WWOX: variants seen among roughly 807,000 people sequenced by gnomAD.
WWOX encodes the protein WW domain-containing oxidoreductase.
Under a neutral mutation model 46.2 loss-of-function variants are expected in WWOX, and 69 were observed. The ratio of observed to expected loss-of-function variants is 1.49; its 90% CI spans 1.23 to 1.82. The LOEUF is 1.82. Among genes scored for constraint, WWOX ranks in the 40% most tolerant of loss-of-function variants. WWOX has a pLI of 0.00. For synonymous variants in WWOX, 359 were observed against 202.6 expected, an observed-to-expected ratio of 1.77 and a Z score of -6.56; for missense variants, 919 against 542.6, an observed-to-expected ratio of 1.69 and a Z score of -6.89.
At chr16:78,874,236 A>G (rs1185135078) in intron 8 of WWOX, among the ~76,000 whole-genome samples, 4 of 149,592 alleles carry the variant, frequency 2.7e-5, no homozygotes, top group Non-Finnish European at 5.9e-5. Flanking sequence ...AGCATGGGCG[A>G]CAGAGCGAGA....
At chr16:78,583,888 G>C (rs2045125802) in intron 8 of WWOX, among the ~76,000 whole-genome samples, 1 of 152,240 alleles carries the variant, frequency 6.6e-6, no homozygotes, top group South Asian at 2.1e-4. Flanking sequence ...TTGCATACCT[G>C]TTTGGGGGAA....
In WWOX at chr16:79,069,863, C is replaced by T. The variant is rs544523419; in HGVS notation, c.1057-141745C>T. 4.6e-5 allele frequency among the ~76,000 whole-genome samples: 7 copies of T among 152,242 alleles called. No individual in the cohort carries two copies. In the South Asian group the frequency reaches 1.5e-3, roughly 32 times the overall value. ...AGAGCTCTATGTAAACCAACTTTGG[C>T]CCAAATTGACTCATTGAAAAACACC... On this transcript the variant is annotated intron_variant, in intron 8 of 8. Transcript: ENST00000566780.
intron 8 of WWOX, among the ~76,000 whole-genome samples, chr16:78,805,114 C>A (rs1022849251): frequency 6.6e-6 from 1 of 151,558 alleles, no homozygotes; most frequent in Admixed American, 6.6e-5. Flanking sequence ...AATATCACTA[C>A]CAAAATATCA....
chr16:78,609,579 C>G (rs982727157), intron 8 of WWOX, among the ~76,000 whole-genome samples: 47 of 151,116 alleles, frequency 3.1e-4, no homozygotes, highest in African/African-American at 1.1e-3. Context: ...TCATACCCCT[C>G]CTAGGAGACA....
At chr16:78,311,922 G>C (rs2080252480) in intron 5 of WWOX, among the ~76,000 whole-genome samples, 1 of 152,090 alleles carries the variant, frequency 6.6e-6, no homozygotes, top group South Asian at 2.1e-4. Context: ...CTAAAATCCA[G>C]GTGTCTTCAG....
chr16:78,683,300 C>T (rs1284440035), intron 8 of WWOX, among the ~76,000 whole-genome samples: 18 of 119,908 alleles, frequency 1.5e-4, no homozygotes, highest in African/African-American at 5.2e-4. Flanking sequence ...TGCCTGAGCT[C>T]AGGAGGGCGG....
chr16:79,211,658 G>T lies in WWOX; in HGVS notation c.1107G>T (p.Glu369Asp). 1 of 1,614,200 alleles carries T rather than the reference G, an allele frequency of 6.2e-7. No individual in the cohort carries two copies. The highest frequency in any genetic ancestry group is 2.2e-5 in the East Asian group (1 of 44,868). The change falls in exon 9 of 9, where the codon GAG becomes GAT. Residue 369 changes from glutamate (E) to aspartate (D), a missense_variant. By Grantham distance (45) the Glu-to-Asp change is conservative. Coordinates refer to ENST00000566780, the MANE Select transcript of WWOX (RefSeq NM_016373.4). ...TVYCAAVPEL[E>D]GLGGMYFNNC... ...ACTGTGCTGCTGTCCCAGAACTGGA[G>T]GGTCTGGGAGGGATGTACTTCAACA...
intron 8 of WWOX, among the ~76,000 whole-genome samples, chr16:78,580,351 G>T (rs780254588): frequency 6.6e-6 from 1 of 152,084 alleles, no homozygotes; most frequent in Admixed American, 6.5e-5. Flanking sequence ...TGGAATATCC[G>T]GTGTGAGCCA....
intron 8 of WWOX, among the ~76,000 whole-genome samples, chr16:78,546,548 A>G (rs868031424): frequency 2.0e-5 from 3 of 152,202 alleles, no homozygotes; most frequent in African/African-American, 7.2e-5. Context: ...CATTGTTTAT[A>G]TTGTTTGTTG....
At chr16:79,045,541 C>G (rs1003538674) in intron 8 of WWOX, among the ~76,000 whole-genome samples, 1 of 152,148 alleles carries the variant, frequency 6.6e-6, no homozygotes, top group Non-Finnish European at 1.5e-5. Flanking sequence ...CATTCCTAGT[C>G]TCATTTTCCC....
intron 6 of WWOX, among the ~76,000 whole-genome samples, chr16:78,392,881 A>T (rs1450597395): frequency 4.0e-5 from 6 of 151,834 alleles, no homozygotes; most frequent in African/African-American, 1.5e-4. Flanking sequence ...TCATTCATTG[A>T]TTCTGTTATT....
rs116305532 is a variant in WWOX at position 78,573,573 on chromosome 16, G to C, written c.1056+140821G>C. Among the ~76,000 whole-genome samples the C allele has an allele frequency of 7.8e-3, 1,181 of 152,298 alleles. 21 individuals carry two copies. Among genetic ancestry groups the C allele is most frequent in the African/African-American group, 0.028 (1,149 of 41,546 alleles). On this transcript the variant is annotated intron_variant, in intron 8 of 8. Transcript: ENST00000566780. Reference sequence around the variant, plus strand: ...GGCTCCCTGGGCCCTCTGGGACTAAGTTTATAATGCTCAGCTTGTCATTCC... The same window carrying C: ...GGCTCCCTGGGCCCTCTGGGACTAACTTTATAATGCTCAGCTTGTCATTCC...
chr16:78,778,304 C>T (rs191490619), intron 8 of WWOX, among the ~76,000 whole-genome samples: 7 of 152,246 alleles, frequency 4.6e-5, no homozygotes, highest in Non-Finnish European at 5.9e-5. Context: ...ACTGATACGC[C>T]GCCAGCAGTC....
intron 8 of WWOX, among the ~76,000 whole-genome samples, chr16:78,482,824 T>C (rs557401365): frequency 6.6e-6 from 1 of 152,268 alleles, no homozygotes; most frequent in South Asian, 2.1e-4. Context: ...GGGAAGGATC[T>C]ATCTCACTCA....
intron 8 of WWOX, among the ~76,000 whole-genome samples, chr16:79,158,433 A>T (rs796407120): frequency 1.7e-4 from 26 of 152,286 alleles, no homozygotes; most frequent in African/African-American, 5.1e-4. Context: ...TTTAGATGGA[A>T]TCACCCAGCG....
At chr16:79,179,428 A>G (rs1362923793) in intron 8 of WWOX, among the ~76,000 whole-genome samples, 2 of 152,194 alleles carry the variant, frequency 1.3e-5, no homozygotes, top group Non-Finnish European at 2.9e-5. Context: ...AACTAATGGA[A>G]TCCTAACTAA....
chr16:79,142,313 G>C (rs2050105296), intron 8 of WWOX, among the ~76,000 whole-genome samples: 1 of 152,188 alleles, frequency 6.6e-6, no homozygotes, highest in South Asian at 2.1e-4. Context: ...TGGGAAGTTA[G>C]AGTAGAAATG....
At position 78,366,968 on chromosome 16, in the gene WWOX, CATTT is replaced by C. The variant is rs1175117479; in HGVS notation, c.517-19891_517-19888del. ...TTTTTTTTTTGTATCACAAAAGTTA[CATTT>C]TTTTTTTTTTTTTTTTTTTTTTTTT... On this transcript the variant is annotated intron_variant, in intron 5 of 8. Coordinates refer to ENST00000566780, the MANE Select transcript of WWOX (RefSeq NM_016373.4). Among the ~76,000 whole-genome samples the C allele has an allele frequency of 5.6e-3, 507 of 91,052 alleles. 4 individuals carry two copies. Among genetic ancestry groups the C allele is most frequent in the African/African-American group, 0.02 (471 of 23,534 alleles). 59.7% of individuals were successfully genotyped at this position (91,052 alleles called of 152,430 possible).
intron 8 of WWOX, among the ~76,000 whole-genome samples, chr16:78,727,032 C>T (rs978435831): frequency 2.6e-5 from 4 of 152,166 alleles, no homozygotes; most frequent in Non-Finnish European, 4.4e-5. Flanking sequence ...TGTAAGTTGC[C>T]TTATTCCAGC....
Sources: allele counts gnomAD v4.1 joint callset (sites outside exome capture counted in the v4.1 genomes callset), GRCh38; gene constraint gnomAD v4.1.1; transcripts MANE v1.5; gene names NCBI Gene and HGNC (gene_info 2026-07-23, HGNC 2026-07-21).